The following GALNT18 variants were observed in gnomAD, a reference collection of about 807,000 sequenced individuals.
GALNT18 encodes the protein polypeptide N-acetylgalactosaminyltransferase 18.
In GALNT18, 44 loss-of-function variants were observed where a neutral mutation model predicts 69.5. The observed-to-expected ratio is 0.63, with a 90% CI of 0.50 to 0.81. The LOEUF (loss-of-function observed/expected upper bound fraction) is 0.81. Ranked by LOEUF, GALNT18 falls within the 40% of genes least tolerant of loss-of-function variation. GALNT18 has a pLI of 0.00. For missense variants in GALNT18, 715 were observed against 810.0 expected (o/e 0.88, Z 1.42); for synonymous variants, 364 against 318.2 (o/e 1.14, Z -1.53).
intron 1 of GALNT18, among the ~76,000 whole-genome samples, chr11:11,570,595 G>A (rs1157750690): frequency 6.6e-6 from 1 of 152,174 alleles, no homozygotes; most frequent in Admixed American, 6.5e-5. Context: ...TCAGATCACA[G>A]TCTCAAAGCT....
chr11:11,392,631 AG>A (rs1854222742), intron 3 of GALNT18, among the ~76,000 whole-genome samples: 3 of 152,168 alleles, frequency 2.0e-5, no homozygotes, highest in Admixed American at 2.0e-4. Context: ...AAAAGAAAAA[AG>A]AAAAAAAGTC....
At chr11:11,414,706 C>G (rs1265048511) in intron 3 of GALNT18, among the ~76,000 whole-genome samples, 1 of 152,172 alleles carries the variant, frequency 6.6e-6, no homozygotes, top group Admixed American at 6.5e-5. Flanking sequence ...TCTGTAAGAG[C>G]AGGGACTGGG....
intron 1 of GALNT18, among the ~76,000 whole-genome samples, chr11:11,502,008 C>G (rs541030352): frequency 1.1e-4 from 16 of 152,292 alleles, no homozygotes; most frequent in African/African-American, 3.9e-4. Context: ...GGACGAGGCT[C>G]TCAGTTGGAA....
At chr11:11,350,601 C>T (rs184561857) in intron 6 of GALNT18, among the ~76,000 whole-genome samples, 216 of 152,248 alleles carry the variant, frequency 1.4e-3, no homozygotes, top group Non-Finnish European at 2.6e-3. Context: ...CTCACTGACA[C>T]CTGGGTGCTC....
intron 1 of GALNT18, among the ~76,000 whole-genome samples, chr11:11,612,428 G>T (rs765663330): frequency 6.6e-6 from 1 of 152,098 alleles, no homozygotes; most frequent in Non-Finnish European, 1.5e-5. Flanking sequence ...CTCATTTGTC[G>T]CTTCAAATCT....
intron 1 of GALNT18, among the ~76,000 whole-genome samples, chr11:11,548,925 T>C (rs1858127548): frequency 6.6e-6 from 1 of 152,238 alleles, no homozygotes; most frequent in South Asian, 2.1e-4. Context: ...TTATATTAGC[T>C]GTTGTGGCAG....
intron 9 of GALNT18, among the ~76,000 whole-genome samples, chr11:11,317,483 T>C (rs775802857): frequency 7.9e-5 from 12 of 152,236 alleles, no homozygotes; most frequent in Admixed American, 3.3e-4. Context: ...ATTTCTCTGA[T>C]GATTAGTAAT....
At chr11:11,279,402 C>T (rs1849019532) in intron 10 of GALNT18, among the ~76,000 whole-genome samples, 1 of 152,142 alleles carries the variant, frequency 6.6e-6, no homozygotes, top group Non-Finnish European at 1.5e-5. Context: ...CTATAGTTAA[C>T]ATATACAACC....
chr11:11,543,404 G>A lies in GALNT18; in HGVS notation c.235+77955C>T, dbSNP rs994780959. Among the ~76,000 whole-genome samples, 2 of 152,294 alleles carry A rather than the reference G, an allele frequency of 1.3e-5. No homozygotes were observed. The highest frequency in any genetic ancestry group is 1.9e-4 in the East Asian group (1 of 5,180). ...GTGGTGAGGACAAAGGAGCCTCGATGGAGACCCACTCTGGAACTGGATATG... is the reference window on the plus strand; with the variant it reads ...GTGGTGAGGACAAAGGAGCCTCGATAGAGACCCACTCTGGAACTGGATATG... On this transcript the variant is annotated intron_variant, in intron 1 of 10. Coordinates refer to ENST00000227756, the MANE Select transcript of GALNT18 (RefSeq NM_198516.3). The surrounding 1 kb of genome is among the most constrained non-coding windows in gnomAD (Gnocchi z 5.1).
chr11:11,294,700 C>A lies in GALNT18; in HGVS notation c.1513-1507G>T, dbSNP rs375734443. Reference sequence around the variant, plus strand: ...GTCTCCCATGGGCTGTAGTTTGGGTCTGGTCTAGGGGAAAGCCACGTGACT... The same window carrying A: ...GTCTCCCATGGGCTGTAGTTTGGGTATGGTCTAGGGGAAAGCCACGTGACT... On this transcript the variant is annotated intron_variant, in intron 9 of 10. Transcript: ENST00000227756. 9.1e-4 allele frequency among the ~76,000 whole-genome samples: 139 copies of A among 152,100 alleles called. 2 individuals are homozygous for A. The highest frequency in any genetic ancestry group is 3.4e-3 in the Middle Eastern group (1 of 290).
At position 11,525,444 on chromosome 11, in the gene GALNT18, G is replaced by A. The variant is rs116225381; in HGVS notation, c.236-76508C>T. ...CGATAGTAAAAGCAAAAAAGTTCAC[G>A]AAACATTTCAGTGGCGAAATCGGTA... On this transcript the variant is annotated intron_variant, in intron 1 of 10. Transcript: ENST00000227756. 5.7e-3 allele frequency among the ~76,000 whole-genome samples: 868 copies of A among 152,154 alleles called. 6 individuals carry two copies. The highest frequency in any genetic ancestry group is 0.017 in the African/African-American group (722 of 41,514).
rs912783119 is a variant in GALNT18 at position 11,389,430 on chromosome 11, C to A, written c.596-10166G>T. Among the ~76,000 whole-genome samples the A allele has an allele frequency of 6.6e-6, 1 of 152,214 alleles. No homozygotes were observed. Among genetic ancestry groups the A allele is most frequent in the Admixed American group, 6.5e-5 (1 of 15,274 alleles). On this transcript the variant is annotated intron_variant, in intron 3 of 10. Coordinates refer to ENST00000227756, the MANE Select transcript of GALNT18 (RefSeq NM_198516.3). The surrounding 1 kb of genome is among the most constrained non-coding windows in gnomAD (Gnocchi z 4.3). Reference sequence around the variant, plus strand: ...TGACCTTGGCAAAGGGCCACCTCGCCTTTGTACTTCCTGGGGCTGTGTGAG... The same window carrying A: ...TGACCTTGGCAAAGGGCCACCTCGCATTTGTACTTCCTGGGGCTGTGTGAG...
chr11:11,297,884 C>T (rs1181921820), intron 9 of GALNT18, among the ~76,000 whole-genome samples: 1 of 152,226 alleles, frequency 6.6e-6, no homozygotes, highest in Non-Finnish European at 1.5e-5. Flanking sequence ...TTGATTCTTG[C>T]AGGAGGAAGA....
intron 6 of GALNT18, among the ~76,000 whole-genome samples, chr11:11,371,159 G>A (rs949807378): frequency 3.9e-5 from 6 of 152,144 alleles, no homozygotes; most frequent in African/African-American, 9.7e-5. Flanking sequence ...TGCTCATGTC[G>A]CCAGTCCTCA....
intron 1 of GALNT18, among the ~76,000 whole-genome samples, chr11:11,608,070 A>C (rs1370969743): frequency 1.3e-5 from 2 of 152,180 alleles, no homozygotes; most frequent in African/African-American, 4.8e-5. Context: ...AACTTCCAAC[A>C]TGTCTCAGCT....
At chr11:11,556,336 G>A (rs555755559) in intron 1 of GALNT18, among the ~76,000 whole-genome samples, 7 of 152,250 alleles carry the variant, frequency 4.6e-5, no homozygotes, top group East Asian at 1.9e-4. Context: ...GCCCTATACC[G>A]GGCAGCCGTG....
chr11:11,362,799 C>T (rs1005423191), intron 6 of GALNT18, among the ~76,000 whole-genome samples: 3 of 152,044 alleles, frequency 2.0e-5, no homozygotes, highest in African/African-American at 7.2e-5. Flanking sequence ...AGCAAAGTTA[C>T]GTATGCATTT....
At position 11,340,373 on chromosome 11, in the gene GALNT18, T is replaced by C. The variant is rs773282915; in HGVS notation, c.1278+446A>G. Among the ~76,000 whole-genome samples, 4 of 152,192 alleles carry C rather than the reference T, an allele frequency of 2.6e-5. No homozygotes were observed. Among genetic ancestry groups the C allele is most frequent in the Non-Finnish European group, 5.9e-5 (4 of 68,030 alleles). Reference sequence around the variant, plus strand: ...AGAAACCTGAAAGGCATGTGGATCTTTATAACTCTGGTCAAAGGTTCAATG... The same window carrying C: ...AGAAACCTGAAAGGCATGTGGATCTCTATAACTCTGGTCAAAGGTTCAATG... On this transcript the variant is annotated intron_variant, in intron 7 of 10. Transcript: ENST00000227756. This position sits in a 1 kb window ranked among gnomAD's most constrained non-coding sequence, Gnocchi z 4.2.
chr11:11,550,521 A>G (rs1396644714), intron 1 of GALNT18, among the ~76,000 whole-genome samples: 1 of 152,072 alleles, frequency 6.6e-6, no homozygotes, highest in Non-Finnish European at 1.5e-5. Flanking sequence ...TCTCCTCACC[A>G]CCTACCTCTT....
Sources: allele counts gnomAD v4.1 joint callset (sites outside exome capture counted in the v4.1 genomes callset), GRCh38; gene constraint gnomAD v4.1.1; non-coding constraint Gnocchi (gnomAD v3.1); transcripts MANE v1.5; gene names NCBI Gene and HGNC (gene_info 2026-07-23, HGNC 2026-07-21).